The following PRRG1 variants were observed in gnomAD, a reference collection of about 807,000 sequenced individuals.
The protein encoded by PRRG1 is proline rich and Gla domain 1.
In PRRG1, 5 loss-of-function variants were observed where a neutral mutation model predicts 11.8. The observed-to-expected ratio is 0.42, with a 90% CI of 0.22 to 0.89. The LOEUF (loss-of-function observed/expected upper bound fraction) is 0.89. Among genes scored for constraint, PRRG1 ranks in the 40% least tolerant of loss-of-function variants. PRRG1 has a pLI of 0.28. For synonymous variants in PRRG1, 66 were observed against 60.4 expected (o/e 1.09, Z -0.43); for missense variants, 155 against 166.1 (o/e 0.93, Z 0.37).
At chrX:37,409,737 C>T (rs1043713362) in intron 2 of PRRG1, among the ~76,000 whole-genome samples, 2 of 111,830 alleles carry the variant, frequency 1.8e-5, no homozygotes, top group Non-Finnish European at 3.8e-5. Flanking sequence ...TGAAATTTTT[C>T]CTGCACTTGG....
In PRRG1 at chrX:37,406,264, G is replaced by A; in HGVS notation, c.10+5G>A. On this transcript the variant is annotated splice_donor_5th_base_variant and intron_variant, in intron 2 of 3. Transcript: ENST00000378628. ...CACAAGAAAACATGGGGAGGGGTAA[G>A]TTTCTCTTCCTTTTTAAGTAATTCA... 1 of 1,202,310 alleles carries A rather than the reference G, an allele frequency of 8.3e-7. No individual in the cohort carries two copies. The highest frequency in any genetic ancestry group is 1.1e-6 in the Non-Finnish European group (1 of 887,385).
intron 1 of PRRG1, among the ~76,000 whole-genome samples, chrX:37,367,013 A>T (rs1336366468): frequency 2.7e-5 from 3 of 111,452 alleles, no homozygotes; most frequent in African/African-American, 6.5e-5. Context: ...AGAATGGTGC[A>T]CTTTGAATAT....
chrX:37,410,307 G>C (rs925183847), intron 2 of PRRG1, among the ~76,000 whole-genome samples: 4 of 111,737 alleles, frequency 3.6e-5, no homozygotes, highest in Admixed American at 2.8e-4. Context: ...TAAAACTGAG[G>C]CTCATAAGAA....
intron 2 of PRRG1, among the ~76,000 whole-genome samples, chrX:37,418,503 A>T (rs1157535288): frequency 8.9e-6 from 1 of 112,249 alleles, no homozygotes; most frequent in Non-Finnish European, 1.9e-5. Context: ...AAAATTTTCA[A>T]TTTGAGCAAA....
intron 2 of PRRG1, among the ~76,000 whole-genome samples, chrX:37,419,884 A>G (rs1276440622): frequency 8.9e-6 from 1 of 112,021 alleles, no homozygotes; most frequent in Non-Finnish European, 1.9e-5. Context: ...AAGCTACTAC[A>G]TGTCATCCCA....
intron 1 of PRRG1, among the ~76,000 whole-genome samples, chrX:37,384,853 T>C (rs1931272135): frequency 8.9e-6 from 1 of 111,766 alleles, no homozygotes; most frequent in Non-Finnish European, 1.9e-5. Context: ...GGAGTGTAAA[T>C]TGGTACAACC....
intron 2 of PRRG1, among the ~76,000 whole-genome samples, chrX:37,407,534 T>C (rs1399354129): frequency 8.9e-6 from 1 of 111,973 alleles, no homozygotes; most frequent in African/African-American, 3.2e-5. Context: ...GTTCCACCTC[T>C]ACTACCTTGA....
At chrX:37,352,774 C>G (rs1163955442) in intron 1 of PRRG1, among the ~76,000 whole-genome samples, 1 of 111,548 alleles carries the variant, frequency 9.0e-6, no homozygotes, top group African/African-American at 3.3e-5. Flanking sequence ...AATTATAATA[C>G]TTACCTGATA....
intron 1 of PRRG1, among the ~76,000 whole-genome samples, chrX:37,402,705 A>T (rs782515821): frequency 9.0e-6 from 1 of 111,590 alleles, no homozygotes; most frequent in Non-Finnish European, 1.9e-5. Flanking sequence ...CAACCTACAA[A>T]ATGGGAGAAA....
rs782423600 is a variant in PRRG1, at chrX:37,417,873, C to T, written c.11-7967C>T. 2.7e-5 allele frequency among the ~76,000 whole-genome samples: 3 copies of T among 111,627 alleles called. No individual in the cohort carries two copies. The East Asian group carries it at 8.4e-4, about 31-fold the overall frequency. On this transcript the variant is annotated intron_variant, in intron 2 of 3. Transcript: ENST00000378628. ...AGCACAGGATTGGGTGGAATGGGTG[C>T]TTTTTTGATTTTCTCTGTTTGTTTG...
rs782669457 is a variant in PRRG1, at chrX:37,421,445, G to C, written c.11-4395G>C. On this transcript the variant is annotated intron_variant, in intron 2 of 3. Coordinates refer to ENST00000378628, the MANE Select transcript of PRRG1 (RefSeq NM_001142395.2). ...GGCATGCACATGATTCCTGATAGCT[G>C]TAATTTAACTCACACAATTTAAGGA... 1.6e-3 allele frequency among the ~76,000 whole-genome samples: 182 copies of C among 111,701 alleles called. 2 individuals carry two copies. The highest frequency in any genetic ancestry group is 2.9e-3 in the Non-Finnish European group (152 of 53,128).
chrX:37,450,074 A>G (rs1921061750), intron 3 of PRRG1, among the ~76,000 whole-genome samples: 1 of 112,524 alleles, frequency 8.9e-6, no homozygotes, highest in African/African-American at 3.2e-5. Context: ...GAAAGTATTT[A>G]ATCTGTAAAA....
intron 2 of PRRG1, among the ~76,000 whole-genome samples, chrX:37,409,941 TGAA>T (rs34682945): frequency 0.14 from 15,178 of 111,775 alleles, 1,056 homozygotes; most frequent in Middle Eastern, 0.27. Context: ...TGATATTAGA[TGAA>T]GAAGTTATTT....
intron 1 of PRRG1, among the ~76,000 whole-genome samples, chrX:37,378,675 C>A (rs781935953): frequency 1.8e-5 from 2 of 111,497 alleles, no homozygotes; most frequent in South Asian, 7.5e-4. Flanking sequence ...TTCGTAATTG[C>A]ACTGAGATTT....
At chrX:37,442,495 C>T (rs1407388415) in intron 3 of PRRG1, among the ~76,000 whole-genome samples, 1 of 109,064 alleles carries the variant, frequency 9.2e-6, no homozygotes, top group Non-Finnish European at 1.9e-5. Flanking sequence ...GGGTGGATGG[C>T]GTCAGGTGGG....
chrX:37,367,307 G>A (rs1283356017), intron 1 of PRRG1, among the ~76,000 whole-genome samples: 1 of 112,050 alleles, frequency 8.9e-6, no homozygotes, highest in Non-Finnish European at 1.9e-5. Flanking sequence ...ATTTTGATAT[G>A]TATTTTTATT....
At chrX:37,397,753 CTATT>C (rs1931766998) in intron 1 of PRRG1, among the ~76,000 whole-genome samples, 1 of 110,676 alleles carries the variant, frequency 9.0e-6, no homozygotes, top group Admixed American at 9.6e-5. Flanking sequence ...TGTAGTATAA[CTATT>C]AAGGAAGGTG....
chrX:37,453,694 C>A lies in PRRG1; in HGVS notation c.*73C>A. ...AGAACTTTCTAGCACTTTACCACTA[C>A]ATAAATGTTCATTGACTTATTTTAT... On this transcript the variant is annotated 3_prime_UTR_variant, in exon 4 of 4. Transcript: ENST00000378628. 1 of 974,080 alleles carries A rather than the reference C, an allele frequency of 1.0e-6. No homozygotes were observed. The highest frequency in any genetic ancestry group is 1.4e-6 in the Non-Finnish European group (1 of 733,452). The allele number at this position is 974,080 out of a possible 1,213,427, so 80.3% of individuals were successfully genotyped here. A position where few individuals can be genotyped will look rare whatever the true frequency, so the allele number is the denominator to read the frequency against.
Position 37,365,180 on chromosome X carries a change from C to T in PRRG1, c.-42+15785C>T, listed in dbSNP as rs782329215. On this transcript the variant is annotated intron_variant, in intron 1 of 3. Coordinates refer to ENST00000378628, the MANE Select transcript of PRRG1 (RefSeq NM_001142395.2). ...TATGTTTGGAAGAAGGAGTCGGGGG[C>T]TCCTTGCTTCTGGTGAACAAGGGCC... is the stretch of plus-strand genomic sequence containing the variant. Among the ~76,000 whole-genome samples the T allele has an allele frequency of 3.6e-5, 4 of 111,590 alleles. No homozygotes were observed. In the South Asian group the frequency reaches 1.5e-3, roughly 43 times the overall value.
Sources: gnomAD v4.1 joint callset for allele counts (sites outside exome capture counted in the v4.1 genomes callset) on GRCh38, gnomAD v4.1.1 for gene constraint, MANE v1.5 for transcripts, NCBI Gene and HGNC (gene_info 2026-07-23, HGNC 2026-07-21) for gene names.